The following SLC17A5 variants were observed in gnomAD, a reference collection of about 807,000 sequenced individuals.
SLC17A5 encodes the protein solute carrier family 17 member 5.
In SLC17A5, 47 loss-of-function variants were observed where a neutral mutation model predicts 59.4. The observed-to-expected ratio is 0.79, with a 90% CI of 0.63 to 1.01. SLC17A5 has a LOEUF of 1.01. SLC17A5 is among the 50% of genes least tolerant of loss of function. The pLI is 0.00. For synonymous variants in SLC17A5, 202 were observed against 210.7 expected, an observed-to-expected ratio of 0.96 and a Z score of 0.36; for missense variants, 522 against 595.5, an observed-to-expected ratio of 0.88 and a Z score of 1.28.
At chr6:73,618,460 C>T (rs551667712) in intron 7 of SLC17A5, 32 of 443,832 alleles carry the variant, frequency 7.2e-5, no homozygotes, top group East Asian at 2.8e-4. Flanking sequence ...GTGCCCAGGA[C>T]GCTATAAAAT....
chr6:73,638,549 T>C, intron 3 of SLC17A5, 50 bp from the exon 4 acceptor site: 1 of 1,394,394 alleles, frequency 7.2e-7, no homozygotes, highest in Non-Finnish European at 1.0e-6. Flanking sequence ...GTAGTTTTGT[T>C]AATGCTTTAA....
chr6:73,621,167 G>A (rs1037962433), intron 7 of SLC17A5, among the ~76,000 whole-genome samples: 1 of 151,940 alleles, frequency 6.6e-6, no homozygotes, highest in Non-Finnish European at 1.5e-5. Flanking sequence ...TACCACGCCT[G>A]GTTAATTTTG....
At position 73,641,942 on chromosome 6, in the gene SLC17A5, G is replaced by T. The variant is rs778716862; in HGVS notation, c.292-18C>A. On this transcript the variant is annotated intron_variant, in intron 2 of 10. Coordinates refer to ENST00000355773, the MANE Select transcript of SLC17A5 (RefSeq NM_012434.5). ...TTCTTACCCTACAAAAATCAGAAAA[G>T]AATAAAACAATCCTTTAAGACCTTC... 1 of 1,598,448 alleles carries T rather than the reference G, an allele frequency of 6.3e-7. No homozygotes were observed. Among genetic ancestry groups the T allele is most frequent in the South Asian group, 1.1e-5 (1 of 90,702 alleles).
At chr6:73,640,012 C>T (rs1375726557) in intron 3 of SLC17A5, among the ~76,000 whole-genome samples, 4 of 152,198 alleles carry the variant, frequency 2.6e-5, no homozygotes, top group Non-Finnish European at 5.9e-5. Flanking sequence ...TGCCACTGCA[C>T]TCCAGCCTGG....
chr6:73,628,222 A>G (rs1768529159), intron 6 of SLC17A5, among the ~76,000 whole-genome samples: 1 of 152,256 alleles, frequency 6.6e-6, no homozygotes, highest in African/African-American at 2.4e-5. Context: ...CCTGGTCCTG[A>G]AAGTTCCTAT....
In SLC17A5 at chr6:73,594,843, C is replaced by T; in HGVS notation, c.*234G>A. ...GTCCTACTTCATGTTGCCCGACTAG[C>T]AGGCAGGTATGTGAACCTAAAGTAG... On this transcript the variant is annotated 3_prime_UTR_variant, in exon 11 of 11. Transcript: ENST00000355773. 2 of 527,262 alleles carry T rather than the reference C, an allele frequency of 3.8e-6. No homozygotes were observed. Among genetic ancestry groups the T allele is most frequent in the Non-Finnish European group, 3.4e-6 (1 of 295,452 alleles). 32.7% of individuals were successfully genotyped at this position (527,262 alleles called of 1,614,324 possible).
chr6:73,647,841 G>T (rs1769653567), intron 1 of SLC17A5, among the ~76,000 whole-genome samples: 1 of 152,230 alleles, frequency 6.6e-6, no homozygotes, highest in African/African-American at 2.4e-5. Flanking sequence ...GACGAAGCGG[G>T]TGGATCACCT....
chr6:73,623,895 C>T (rs1327810119), intron 6 of SLC17A5, among the ~76,000 whole-genome samples: 2 of 150,722 alleles, frequency 1.3e-5, no homozygotes, highest in Non-Finnish European at 3.0e-5. Context: ...GACAGAGTTT[C>T]ACCGTGTTAG....
At chr6:73,648,604 T>C (rs1159004793) in intron 1 of SLC17A5, among the ~76,000 whole-genome samples, 1 of 152,204 alleles carries the variant, frequency 6.6e-6, no homozygotes, top group Non-Finnish European at 1.5e-5. Flanking sequence ...AATGAAATAC[T>C]GCAAGACATT....
intron 6 of SLC17A5, among the ~76,000 whole-genome samples, chr6:73,631,466 T>A (rs1330374658): frequency 6.9e-6 from 1 of 144,696 alleles, no homozygotes; most frequent in Admixed American, 6.8e-5. Context: ...GAGCAAAATA[T>A]TGATTCTTTA....
intron 9 of SLC17A5, among the ~76,000 whole-genome samples, chr6:73,601,863 G>A (rs1367834836): frequency 6.6e-6 from 1 of 151,100 alleles, no homozygotes; most frequent in Non-Finnish European, 1.5e-5. Flanking sequence ...GGGAGGTGAG[G>A]GGCGCCTCTG....
chr6:73,611,386 TCTCCTGCCTCAGC>T (rs1262447907), intron 8 of SLC17A5, among the ~76,000 whole-genome samples: 1 of 152,008 alleles, frequency 6.6e-6, no homozygotes, highest in Non-Finnish European at 1.5e-5. Context: ...TTCAAGTGAT[TCTCCTGCCTCAGC>T]CTCCTGAATA....
intron 6 of SLC17A5, among the ~76,000 whole-genome samples, chr6:73,630,818 G>A (rs1364383839): frequency 2.6e-5 from 4 of 152,046 alleles, no homozygotes; most frequent in African/African-American, 7.2e-5. Context: ...AGATGAAGGC[G>A]GGCGGATCAC....
intron 7 of SLC17A5, chr6:73,618,633 C>G: frequency 2.5e-6 from 1 of 403,304 alleles, no homozygotes; most frequent in Non-Finnish European, 4.7e-6. Flanking sequence ...AAAACCATCT[C>G]TATAAACACA....
chr6:73,632,291 CAA>C (rs71000140), intron 6 of SLC17A5, among the ~76,000 whole-genome samples: 4,843 of 63,462 alleles, frequency 0.076, 105 homozygotes, highest in Admixed American at 0.2. Context: ...GAGCTAGACT[CAA>C]AAAAAAAAAA....
At chr6:73,648,207 T>C (rs758908880) in intron 1 of SLC17A5, among the ~76,000 whole-genome samples, 2 of 152,258 alleles carry the variant, frequency 1.3e-5, no homozygotes, top group African/African-American at 2.4e-5. Context: ...AGAAAATTTT[T>C]ATTTCAAGAA....
intron 1 of SLC17A5, among the ~76,000 whole-genome samples, chr6:73,650,842 T>C (rs1769826187): frequency 6.6e-6 from 1 of 152,236 alleles, no homozygotes; most frequent in African/African-American, 2.4e-5. Flanking sequence ...TACTTCTTTG[T>C]ATCTCCAGTG....
intron 1 of SLC17A5, among the ~76,000 whole-genome samples, chr6:73,647,272 T>C (rs1294673299): frequency 6.6e-6 from 1 of 152,148 alleles, no homozygotes; most frequent in African/African-American, 2.4e-5. Flanking sequence ...AGGAGAAGTG[T>C]GAAGGGTGTA....
At chr6:73,618,264 A>G (rs553696847) in intron 7 of SLC17A5, 2,617 of 109,464 alleles carry the variant, frequency 0.024, 97 homozygotes, top group African/African-American at 0.13. Flanking sequence ...AAAATAAAAT[A>G]AAATAAAATA....
Sources: allele counts gnomAD v4.1 joint callset (sites outside exome capture counted in the v4.1 genomes callset), GRCh38; gene constraint gnomAD v4.1.1; transcripts MANE v1.5; gene names NCBI Gene and HGNC (gene_info 2026-07-23, HGNC 2026-07-21).